The following ATAD2B variants were observed in gnomAD, a reference collection of about 807,000 sequenced individuals.
ATAD2B encodes the protein ATPase family AAA domain-containing protein 2B.
In ATAD2B, 40 loss-of-function variants were observed where a neutral mutation model predicts 167.6. That is an observed-to-expected ratio of 0.24 (90% CI 0.19 to 0.31). ATAD2B has a LOEUF of 0.31. ATAD2B is among the 10% of genes least tolerant of loss of function. ATAD2B has a pLI of 1.00. For missense variants in ATAD2B, 1,242 were observed against 1,757.2 expected (o/e 0.71, Z 5.24); for synonymous variants, 579 against 596.5 (o/e 0.97, Z 0.43).
At chr2:23,785,373 C>T (rs529674651) in intron 21 of ATAD2B, among the ~76,000 whole-genome samples, 127 of 152,176 alleles carry the variant, frequency 8.3e-4, no homozygotes, top group African/African-American at 2.9e-3. Flanking sequence ...CAGGATAAAA[C>T]AAAAACCAAA....
chr2:23,767,034 T>C (rs928595919), intron 22 of ATAD2B, among the ~76,000 whole-genome samples: 2 of 152,182 alleles, frequency 1.3e-5, no homozygotes, highest in Non-Finnish European at 2.9e-5. Context: ...TGTTATGAGT[T>C]CTAAATTTCT....
intron 7 of ATAD2B, among the ~76,000 whole-genome samples, chr2:23,878,802 G>A (rs964123958): frequency 6.6e-6 from 1 of 151,990 alleles, no homozygotes; most frequent in Non-Finnish European, 1.5e-5. Context: ...CTAATATCCA[G>A]AACATATAAG....
intron 16 of ATAD2B, 150 bp downstream of exon 16, chr2:23,823,108 T>A: frequency 1.5e-5 from 10 of 681,838 alleles, no homozygotes; most frequent in Non-Finnish European, 2.2e-5. Flanking sequence ...AACTACCATA[T>A]GCCAGGCAAT....
At chr2:23,739,545 A>G in the ATAD2B span, among the ~76,000 whole-genome samples, 12 of 152,158 alleles carry the variant, frequency 7.9e-5, no homozygotes, top group Non-Finnish European at 1.5e-4. Context: ...GGACACATTC[A>G]AAGCAGTGTG....
At chr2:23,726,897 T>C in the ATAD2B span, among the ~76,000 whole-genome samples, 1 of 152,212 alleles carries the variant, frequency 6.6e-6, no homozygotes, top group Non-Finnish European at 1.5e-5. Context: ...AATGTGAATG[T>C]CCTTAATGCC....
rs957759573 is a variant in ATAD2B, at chr2:23,863,370, ATT to A, written c.1479+9_1479+10del. The A allele has an allele frequency of 6.5e-7, 1 of 1,546,898 alleles. No homozygotes were observed. The highest frequency in any genetic ancestry group is 8.7e-7 in the Non-Finnish European group (1 of 1,145,714). On this transcript the variant is annotated intron_variant, in intron 12 of 27. Coordinates refer to ENST00000238789, the MANE Select transcript of ATAD2B (RefSeq NM_017552.4). ...ACAGAAAAGACTCTTGAATTAGATG[ATT>A]TCTCTTACCTGATCAAAAAGAAGCC...
At chr2:23,811,748 AAAAT>A (rs990742125) in intron 17 of ATAD2B, among the ~76,000 whole-genome samples, 9 of 152,276 alleles carry the variant, frequency 5.9e-5, no homozygotes, top group South Asian at 2.1e-4. Flanking sequence ...AAGTATAATA[AAAAT>A]AAATAAATAA....
At chr2:23,762,438 T>C in intron 23 of ATAD2B, 92 bp from the exon 24 acceptor site, 3 of 1,334,656 alleles carry the variant, frequency 2.2e-6, no homozygotes, top group Non-Finnish European at 3.0e-6. Context: ...AAAACTGAGT[T>C]TTAAAGTCAT....
At chr2:23,872,379 C>T (rs1696129439) in intron 8 of ATAD2B, 2 of 671,414 alleles carry the variant, frequency 3.0e-6, no homozygotes, top group South Asian at 1.4e-5. Flanking sequence ...TACTAGTCGG[C>T]AGGTTCAGCT....
chr2:23,743,018 A>C, the ATAD2B span, among the ~76,000 whole-genome samples: 1 of 152,156 alleles, frequency 6.6e-6, no homozygotes, highest in Non-Finnish European at 1.5e-5. Flanking sequence ...GGAGAAGGAA[A>C]CAAAATCAGG....
the ATAD2B span, among the ~76,000 whole-genome samples, chr2:23,686,659 G>A: frequency 1.0e-3 from 157 of 152,264 alleles, 1 homozygote; most frequent in Middle Eastern, 0.017. Flanking sequence ...GAGAGCTGGG[G>A]AGATGAGCAG....
rs79189711 is a variant in ATAD2B at position 23,867,398 on chromosome 2, T to G, written c.1188+437A>C. The stretch of plus-strand genomic sequence containing the variant: ...CAATTCTTTCAAACCCATTTACTTC[T>G]TCAAAGTTATCCTAGTTTCTACCAT... On this transcript the variant is annotated intron_variant, in intron 10 of 27. Coordinates refer to ENST00000238789, the MANE Select transcript of ATAD2B (RefSeq NM_017552.4). 3.3e-4 allele frequency among the ~76,000 whole-genome samples: 50 copies of G among 152,308 alleles called. No individual in the cohort carries two copies. The East Asian group carries it at 8.9e-3, about 27-fold the overall frequency.
intron 13 of ATAD2B, among the ~76,000 whole-genome samples, chr2:23,834,922 A>C (rs1689685225): frequency 6.6e-6 from 1 of 152,142 alleles, no homozygotes; most frequent in Admixed American, 6.6e-5. Context: ...ATTAGGCAAA[A>C]AATTTGTATA....
At chr2:23,910,110 A>T (rs112313489) in intron 1 of ATAD2B, among the ~76,000 whole-genome samples, 1 of 151,174 alleles carries the variant, frequency 6.6e-6, no homozygotes, top group Non-Finnish European at 1.5e-5. Context: ...GTGATCCTCC[A>T]ACCTTGGCCT....
chr2:23,709,321 C>T, the ATAD2B span, among the ~76,000 whole-genome samples: 1 of 152,142 alleles, frequency 6.6e-6, no homozygotes, highest in African/African-American at 2.4e-5. Context: ...GGATTATAGG[C>T]GTGAGCCACT....
rs546290787 is a variant in ATAD2B at position 23,872,346 on chromosome 2, G to T, written c.978-2585C>A. The T allele has an allele frequency of 9.8e-6, 6 of 609,900 alleles. No homozygotes were observed. In the African/African-American group the frequency reaches 1.1e-4, roughly 11 times the overall value. 37.8% of individuals were successfully genotyped at this position (609,900 alleles called of 1,614,324 possible). On this transcript the variant is annotated intron_variant, in intron 8 of 27. Coordinates refer to ENST00000238789, the MANE Select transcript of ATAD2B (RefSeq NM_017552.4). Reference sequence around the variant, plus strand: ...TGCACCTGATGGTCTTCAAGTTCTTGTCAAATTCATAGACAATGGGAATAC... The same window carrying T: ...TGCACCTGATGGTCTTCAAGTTCTTTTCAAATTCATAGACAATGGGAATAC...
At chr2:23,913,146 A>AT (rs1157126212) in intron 1 of ATAD2B, among the ~76,000 whole-genome samples, 3 of 152,132 alleles carry the variant, frequency 2.0e-5, no homozygotes, top group Non-Finnish European at 4.4e-5. Flanking sequence ...GAAAATATAC[A>AT]TTTTTCCCCA....
At chr2:23,907,457 G>T (rs929058666) in intron 1 of ATAD2B, among the ~76,000 whole-genome samples, 2 of 151,874 alleles carry the variant, frequency 1.3e-5, no homozygotes, top group Non-Finnish European at 2.9e-5. Flanking sequence ...CACTGCTCAA[G>T]GAAATAAAAG....
intron 2 of ATAD2B, among the ~76,000 whole-genome samples, chr2:23,890,893 G>C (rs1699377362): frequency 6.6e-6 from 1 of 151,890 alleles, no homozygotes; most frequent in Non-Finnish European, 1.5e-5. Flanking sequence ...TTAAAAACTT[G>C]TTCTTCAATT....
Sources: allele counts gnomAD v4.1 joint callset (sites outside exome capture counted in the v4.1 genomes callset), GRCh38; gene constraint gnomAD v4.1.1; transcripts MANE v1.5; gene names NCBI Gene and HGNC (gene_info 2026-07-23, HGNC 2026-07-21).